The following CD37 variants were observed in gnomAD, a reference collection of about 807,000 sequenced individuals.
The protein encoded by CD37 is leukocyte antigen CD37.
Under a neutral mutation model 38.9 loss-of-function variants are expected in CD37, and 37 were observed. The observed-to-expected ratio is 0.95, with a 90% confidence interval of 0.73 to 1.25. The LOEUF is 1.25. CD37 is among the 50% of genes most tolerant of loss of function. The pLI is 0.00. For synonymous variants in CD37, 146 were observed against 150.1 expected (o/e 0.97, Z 0.20); for missense variants, 351 against 360.1 (o/e 0.97, Z 0.20).
At chr19:49,336,791 G>A in intron 2 of CD37, 118 bp from the exon 3 acceptor site, 1 of 1,069,306 alleles carries the variant, frequency 9.4e-7, no homozygotes, top group East Asian at 2.4e-5. Context: ...CAGGGACAGA[G>A]TCCCAGAGAG....
rs778222639 is a variant in CD37 at position 49,337,191 on chromosome 19, G to A, written c.312G>A (p.Leu104=). The change falls in exon 4 of 8, where the codon CTG becomes CTA. Residue 104 remains leucine, a synonymous_variant. Transcript: ENST00000323906. ...TCCTGTTTGCCACACAGATCACCCTGGGAATCCTCATCTCCACTCAGCGGG... is the reference window on the plus strand; with the variant it reads ...TCCTGTTTGCCACACAGATCACCCTAGGAATCCTCATCTCCACTCAGCGGG... ...LLLLFATQIT[L]GILISTQRAQ... The A allele has an allele frequency of 2.5e-6, 4 of 1,614,044 alleles. No homozygotes were observed. In the East Asian group the frequency reaches 6.7e-5, roughly 27 times the overall value.
intron 4 of CD37, 79 bp from the exon 5 acceptor site, chr19:49,337,846 C>G: frequency 1.3e-6 from 2 of 1,599,306 alleles, no homozygotes; most frequent in Non-Finnish European, 1.7e-6. Flanking sequence ...GCACAGGGCC[C>G]GCCTGAGGCT....
Position 49,338,231 on chromosome 19 carries a change from G to A in CD37, c.447+202G>A, listed in dbSNP as rs888462412. The A allele has an allele frequency of 4.2e-6, 6 of 1,421,562 alleles. No individual in the cohort carries two copies. In the African/African-American group the frequency reaches 4.3e-5, roughly 10 times the overall value. 88.1% of individuals were successfully genotyped at this position (1,421,562 alleles called of 1,614,324 possible). On this transcript the variant is annotated intron_variant, in intron 5 of 7. Coordinates refer to ENST00000323906, the MANE Select transcript of CD37 (RefSeq NM_001774.3). This position sits in a 1 kb window ranked among gnomAD's most constrained non-coding sequence, Gnocchi z 5.0. The stretch of plus-strand genomic sequence containing the variant: ...GGTCTCCCAGTACCCAGACCCTGGC[G>A]TGGCTTCGCCATCTACCTCGAGAGA...
In CD37 at chr19:49,335,999, A is replaced by G. The variant is rs1207526979; in HGVS notation, c.142+213A>G. 9 of 592,038 alleles carry G rather than the reference A, an allele frequency of 1.5e-5. No individual in the cohort carries two copies. The highest frequency in any genetic ancestry group is 2.7e-5 in the Non-Finnish European group (9 of 331,846). The allele number at this position is 592,038 out of a possible 1,614,324, so 36.7% of individuals were successfully genotyped here. A position where few individuals can be genotyped will look rare whatever the true frequency, so the allele number is the denominator to read the frequency against. On this transcript the variant is annotated intron_variant, in intron 2 of 7. Coordinates refer to ENST00000323906, the MANE Select transcript of CD37 (RefSeq NM_001774.3). The surrounding 1 kb of genome is among the most constrained non-coding windows in gnomAD (Gnocchi z 4.6). The stretch of plus-strand genomic sequence containing the variant: ...CAATGATCATGAGAGCCATTTCTCA[A>G]GCACTTCCTATCTGTCGGGACTTGT...
chr19:49,339,974 G>A lies in CD37; in HGVS notation c.769-277G>A, dbSNP rs985385804. 13 of 1,424,794 alleles carry A rather than the reference G, an allele frequency of 9.1e-6. No homozygotes were observed. The African/African-American group carries it at 1.6e-4, about 17-fold the overall frequency. 88.3% of individuals were successfully genotyped at this position (1,424,794 alleles called of 1,614,324 possible). A position where few individuals can be genotyped will look rare whatever the true frequency, so the allele number is the denominator to read the frequency against. On this transcript the variant is annotated intron_variant, in intron 7 of 7. Transcript: ENST00000323906. This position sits in a 1 kb window ranked among gnomAD's most constrained non-coding sequence, Gnocchi z 4.5. Reference sequence around the variant, plus strand: ...GCACAATTAGAGGCTGAGGCAGAGGGGGAAGACAGATGAGCCTCCAAAATA... The same window carrying A: ...GCACAATTAGAGGCTGAGGCAGAGGAGGAAGACAGATGAGCCTCCAAAATA...
chr19:49,340,359 C>A lies in CD37; in HGVS notation c.*31C>A. 1.4e-6 allele frequency: 2 copies of A among 1,446,162 alleles called. No homozygotes were observed. Among genetic ancestry groups the A allele is most frequent in the South Asian group, 1.1e-5 (1 of 87,752 alleles). 89.6% of individuals were successfully genotyped at this position (1,446,162 alleles called of 1,614,324 possible). A position where few individuals can be genotyped will look rare whatever the true frequency, so the allele number is the denominator to read the frequency against. On this transcript the variant is annotated 3_prime_UTR_variant, in exon 8 of 8. Transcript: ENST00000323906. ...GCCCTCCCCAAAGTCCCGCCCCGCC[C>A]CCGTCACGTGCGCTGGGCACTTCCC...
chr19:49,337,566 G>A (rs908135558), intron 4 of CD37: 2 of 1,190,468 alleles, frequency 1.7e-6, no homozygotes, highest in African/African-American at 3.1e-5. Flanking sequence ...AGGCTACAGT[G>A]AGCCATGCAC....
chr19:49,335,570 C>T lies in CD37; in HGVS notation c.30C>T (p.Leu10=). 6.2e-7 allele frequency: 1 copy of T among 1,614,082 alleles called. No individual in the cohort carries two copies. Among genetic ancestry groups the T allele is most frequent in the Non-Finnish European group, 8.5e-7 (1 of 1,179,974 alleles). The change falls in exon 1 of 8, where the codon CTC becomes CTT. Residue 10 remains leucine (L), a synonymous_variant. Coordinates refer to ENST00000323906, the MANE Select transcript of CD37 (RefSeq NM_001774.3). This position sits in a 1 kb window ranked among gnomAD's most constrained non-coding sequence, Gnocchi z 4.6. MSAQESCLS[L]IKYFLFVFNL... Reference sequence around the variant, plus strand: ...CAGCCCAGGAGAGCTGCCTCAGCCTCATCAAGTACTTCCTCTTCGTTTTCA... The same window carrying T: ...CAGCCCAGGAGAGCTGCCTCAGCCTTATCAAGTACTTCCTCTTCGTTTTCA...
intron 4 of CD37, chr19:49,337,606 C>T: frequency 6.9e-7 from 1 of 1,451,228 alleles, no homozygotes; most frequent in South Asian, 1.2e-5. Flanking sequence ...GAGACCCTGT[C>T]TCAAAAAATA....
Position 49,339,079 on chromosome 19 carries a change from G to C in CD37, c.684+143G>C. On this transcript the variant is annotated intron_variant, in intron 6 of 7. Coordinates refer to ENST00000323906, the MANE Select transcript of CD37 (RefSeq NM_001774.3). The surrounding 1 kb of genome is among the most constrained non-coding windows in gnomAD (Gnocchi z 4.5). ...GGCAGGAGGGGCGGGGCCCTCTGAA[G>C]GGGGCGGGGTCTGCAGGAAGGGCAG... 1 of 739,904 alleles carries C rather than the reference G, an allele frequency of 1.4e-6. No individual in the cohort carries two copies. The highest frequency in any genetic ancestry group is 1.7e-5 in the African/African-American group (1 of 57,404). The allele number at this position is 739,904 out of a possible 1,614,324, so 45.8% of individuals were successfully genotyped here. A position where few individuals can be genotyped will look rare whatever the true frequency, so the allele number is the denominator to read the frequency against.
rs1285622441 is a variant in CD37 at position 49,339,054 on chromosome 19, G to A, written c.684+118G>A. On this transcript the variant is annotated intron_variant, in intron 6 of 7. Coordinates refer to ENST00000323906, the MANE Select transcript of CD37 (RefSeq NM_001774.3). The surrounding 1 kb of genome is among the most constrained non-coding windows in gnomAD (Gnocchi z 4.5). The stretch of plus-strand genomic sequence containing the variant: ...GGGTCTACGAGAAAAGGAAAGGTAC[G>A]GCAGGAGGGGCGGGGCCCTCTGAAG... The A allele has an allele frequency of 2.7e-5, 23 of 862,606 alleles. No homozygotes were observed. Among genetic ancestry groups the A allele is most frequent in the Admixed American group, 4.3e-5 (2 of 46,410 alleles). 53.4% of individuals were successfully genotyped at this position (862,606 alleles called of 1,614,324 possible).
chr19:49,335,933 C>G lies in CD37; in HGVS notation c.142+147C>G, dbSNP rs1347948186. ...CTGCTCACCGGAGGCTTCTTGGAGC[C>G]TGAGTCTTCTTCCGGCAAATGGGGT... is the stretch of plus-strand genomic sequence containing the variant. On this transcript the variant is annotated intron_variant, in intron 2 of 7. Coordinates refer to ENST00000323906, the MANE Select transcript of CD37 (RefSeq NM_001774.3). This position sits in a 1 kb window ranked among gnomAD's most constrained non-coding sequence, Gnocchi z 4.6. 1.5e-6 allele frequency: 1 copy of G among 687,040 alleles called. No homozygotes were observed. Among genetic ancestry groups the G allele is most frequent in the East Asian group, 2.5e-5 (1 of 40,252 alleles). 42.6% of individuals were successfully genotyped at this position (687,040 alleles called of 1,614,324 possible). A position where few individuals can be genotyped will look rare whatever the true frequency, so the allele number is the denominator to read the frequency against.
chr19:49,335,703 C>T lies in CD37; in HGVS notation c.70-11C>T. 6.2e-7 allele frequency: 1 copy of T among 1,613,954 alleles called. No homozygotes were observed. Among genetic ancestry groups the T allele is most frequent in the Non-Finnish European group, 8.5e-7 (1 of 1,179,914 alleles). On this transcript the variant is annotated splice_polypyrimidine_tract_variant and intron_variant, in intron 1 of 7. Coordinates refer to ENST00000323906, the MANE Select transcript of CD37 (RefSeq NM_001774.3). This position sits in a 1 kb window ranked among gnomAD's most constrained non-coding sequence, Gnocchi z 4.6. ...GTGGCCCACCCCCGTATCCGCATCT[C>T]CTCTCCCCAGGTCCTCGGCAGCCTG...
rs1971056063 is a variant in CD37 at position 49,338,726 on chromosome 19, G to A, written c.474G>A (p.Pro158=). 2 of 1,612,244 alleles carry A rather than the reference G, an allele frequency of 1.2e-6. No homozygotes were observed. The highest frequency in any genetic ancestry group is 1.7e-6 in the Non-Finnish European group (2 of 1,179,826). Residue 158 remains proline (P), a synonymous_variant, in exon 6 of 8, where the codon CCG becomes CCA. Coordinates refer to ENST00000323906, the MANE Select transcript of CD37 (RefSeq NM_001774.3). The surrounding 1 kb of genome is among the most constrained non-coding windows in gnomAD (Gnocchi z 5.0). Reference sequence around the variant, plus strand: ...TGCGCTGCTGCGGCTGGCACTACCCGCAGGACTGGTTCCAAGTCCTCATCC... The same window carrying A: ...TGCGCTGCTGCGGCTGGCACTACCCACAGGACTGGTTCCAAGTCCTCATCC... ...FQLRCCGWHY[P]QDWFQVLILR...
chr19:49,336,015 CGGGACTT>C (rs1970941322), intron 2 of CD37: 1 of 578,478 alleles, frequency 1.7e-6, no homozygotes, highest in African/African-American at 1.9e-5. Flanking sequence ...TCCTATCTGT[CGGGACTT>C]GTGGCTGGTC....
chr19:49,337,532 G>T, intron 4 of CD37: 1 of 860,220 alleles, frequency 1.2e-6, no homozygotes, highest in Middle Eastern at 2.5e-4. Flanking sequence ...CGAGGTGGGA[G>T]GATCACTTGA....
At position 49,338,612 on chromosome 19, in the gene CD37, C is replaced by T. The variant is rs1971049116; in HGVS notation, c.448-88C>T. 1 of 958,552 alleles carries T rather than the reference C, an allele frequency of 1.0e-6. No individual in the cohort carries two copies. The highest frequency in any genetic ancestry group is 1.6e-5 in the African/African-American group (1 of 62,886). The allele number at this position is 958,552 out of a possible 1,614,324, so 59.4% of individuals were successfully genotyped here. A position where few individuals can be genotyped will look rare whatever the true frequency, so the allele number is the denominator to read the frequency against. Reference sequence around the variant, plus strand: ...CACCACTTAGTCCCCTGCTCCCCGACCTGACCTCATACCCATCACCTTGTC... The same window carrying T: ...CACCACTTAGTCCCCTGCTCCCCGATCTGACCTCATACCCATCACCTTGTC... On this transcript the variant is annotated intron_variant, in intron 5 of 7. Transcript: ENST00000323906. The surrounding 1 kb of genome is among the most constrained non-coding windows in gnomAD (Gnocchi z 5.0).
Position 49,339,417 on chromosome 19 carries a change from A to G in CD37, c.768+4A>G, listed in dbSNP as rs2146224482. 6.2e-7 allele frequency: 1 copy of G among 1,613,102 alleles called. No individual in the cohort carries two copies. Among genetic ancestry groups the G allele is most frequent in the Non-Finnish European group, 8.5e-7 (1 of 1,179,398 alleles). ...CCTGGGCGTCGGCCTACTCGAGGTGATCTGGCCCCGCCCCCACCCGCGATC... is the reference window on the plus strand; with the variant it reads ...CCTGGGCGTCGGCCTACTCGAGGTGGTCTGGCCCCGCCCCCACCCGCGATC... On this transcript the variant is annotated splice_donor_region_variant and intron_variant, in intron 7 of 7. Coordinates refer to ENST00000323906, the MANE Select transcript of CD37 (RefSeq NM_001774.3). The surrounding 1 kb of genome is among the most constrained non-coding windows in gnomAD (Gnocchi z 4.5).
Position 49,335,580 on chromosome 19 carries a change from T to G in CD37, c.40T>G (p.Phe14Val). ...GAGCTGCCTCAGCCTCATCAAGTAC[T>G]TCCTCTTCGTTTTCAACCTCTTCTT... ...QESCLSLIKY[F>V]LFVFNLFFFV... Residue 14 changes from phenylalanine to valine, a missense_variant, in exon 1 of 8, where the codon TTC becomes GTC. Phe to Val is a conservative substitution (Grantham distance 50). Coordinates refer to ENST00000323906, the MANE Select transcript of CD37 (RefSeq NM_001774.3). This position sits in a 1 kb window ranked among gnomAD's most constrained non-coding sequence, Gnocchi z 4.6. The G allele has an allele frequency of 1.9e-6, 3 of 1,614,038 alleles. No individual in the cohort carries two copies. The highest frequency in any genetic ancestry group is 2.5e-6 in the Non-Finnish European group (3 of 1,179,928).
Sources: allele counts gnomAD v4.1 joint callset, GRCh38; gene constraint gnomAD v4.1.1; non-coding constraint Gnocchi (gnomAD v3.1); transcripts MANE v1.5; gene names NCBI Gene and HGNC (gene_info 2026-07-23, HGNC 2026-07-21).